The following PTPN12 variants were observed in gnomAD, a reference collection of about 807,000 sequenced individuals.
The protein encoded by PTPN12 is tyrosine-protein phosphatase non-receptor type 12.
Under a neutral mutation model 97.6 loss-of-function variants are expected in PTPN12, and 29 were observed. The observed-to-expected ratio is 0.30, with a 90% CI of 0.22 to 0.41. The LOEUF (loss-of-function observed/expected upper bound fraction) is 0.41, where lower values mean the gene tolerates loss of function less well. PTPN12 is among the 10% of genes least tolerant of loss of function. PTPN12 has a pLI of 1.00. For missense variants in PTPN12, 819 were observed against 926.0 expected, an observed-to-expected ratio of 0.88 and a Z score of 1.50; for synonymous variants, 327 against 300.4, an observed-to-expected ratio of 1.09 and a Z score of -0.91.
rs538968145 is a variant in PTPN12 at position 77,614,424 on chromosome 7, T to C, written c.939+3378T>C. 6.3e-4 allele frequency among the ~76,000 whole-genome samples: 96 copies of C among 152,302 alleles called. 1 individual carries two copies. The highest frequency in any genetic ancestry group is 2.3e-3 in the African/African-American group (96 of 41,564). ...TTACGGGAATATAATAAAAAAGTCA[T>C]ACTTTGTAGGAGATGAGATGAAATA... is the stretch of plus-strand genomic sequence containing the variant. On this transcript the variant is annotated intron_variant, in intron 11 of 17. Coordinates refer to ENST00000248594, the MANE Select transcript of PTPN12 (RefSeq NM_002835.4).
At chr7:77,612,470 C>A (rs1311224283) in intron 11 of PTPN12, among the ~76,000 whole-genome samples, 1 of 152,146 alleles carries the variant, frequency 6.6e-6, no homozygotes, top group Non-Finnish European at 1.5e-5. Context: ...TGGAGTTTCA[C>A]TATTGTTGCC....
chr7:77,570,991 T>C, intron 1 of PTPN12, 87 bp from the exon 2 acceptor site: 1 of 752,988 alleles, frequency 1.3e-6, no homozygotes, highest in Non-Finnish European at 2.1e-6. Context: ...AAATGAGTTG[T>C]GAGGAATTGG....
At chr7:77,580,491 G>A (rs1489607695) in intron 2 of PTPN12, among the ~76,000 whole-genome samples, 3 of 152,104 alleles carry the variant, frequency 2.0e-5, no homozygotes, top group Non-Finnish European at 4.4e-5. Flanking sequence ...TGTGTAATAA[G>A]TACACTTGGA....
chr7:77,566,024 T>C (rs1215498714), intron 1 of PTPN12, among the ~76,000 whole-genome samples: 3 of 152,236 alleles, frequency 2.0e-5, no homozygotes, highest in African/African-American at 7.2e-5. Flanking sequence ...CAATGTGTTA[T>C]GGACTCATTG....
At chr7:77,606,985 C>T in intron 8 of PTPN12, 1 of 259,882 alleles carries the variant, frequency 3.8e-6, no homozygotes, top group Non-Finnish European at 7.2e-6. Context: ...CTTGTTGTGC[C>T]TGATTTATAA....
intron 11 of PTPN12, among the ~76,000 whole-genome samples, chr7:77,613,466 C>G (rs1788643373): frequency 6.6e-6 from 1 of 151,990 alleles, no homozygotes; most frequent in Admixed American, 6.6e-5. Flanking sequence ...TAAGCTACTG[C>G]ACCCAGCATC....
intron 11 of PTPN12, among the ~76,000 whole-genome samples, chr7:77,614,006 C>T (rs1788664881): frequency 6.6e-6 from 1 of 152,174 alleles, no homozygotes; most frequent in Non-Finnish European, 1.5e-5. Flanking sequence ...TTCCTCCTGC[C>T]TCAGCCTCCC....
At chr7:77,553,927 A>G (rs1266279980) in intron 1 of PTPN12, among the ~76,000 whole-genome samples, 3 of 146,660 alleles carry the variant, frequency 2.0e-5, no homozygotes, top group African/African-American at 7.7e-5. Flanking sequence ...GTCCTTTCTT[A>G]GCATGTCAGT....
intron 1 of PTPN12, among the ~76,000 whole-genome samples, chr7:77,550,145 T>G (rs1296924640): frequency 1.3e-5 from 2 of 152,174 alleles, no homozygotes; most frequent in Admixed American, 1.3e-4. Context: ...GAAATTCTAT[T>G]TGCCTACTCA....
At chr7:77,544,957 T>C (rs1807146055) in intron 1 of PTPN12, among the ~76,000 whole-genome samples, 1 of 152,192 alleles carries the variant, frequency 6.6e-6, no homozygotes, top group Non-Finnish European at 1.5e-5. Context: ...CATAACTCGT[T>C]GTATTTTCAG....
intron 15 of PTPN12, among the ~76,000 whole-genome samples, chr7:77,636,303 C>T (rs980811866): frequency 6.6e-6 from 1 of 151,912 alleles, no homozygotes; most frequent in African/African-American, 2.4e-5. Flanking sequence ...ATTTTGAGGG[C>T]GTGGCATGGT....
intron 1 of PTPN12, chr7:77,537,906 G>A: frequency 6.7e-6 from 4 of 593,272 alleles, no homozygotes; most frequent in Non-Finnish European, 9.5e-6. Context: ...GGCCGAGCCC[G>A]CAGCCTGCAC....
In PTPN12 at chr7:77,573,395, C is replaced by G. The variant is rs1464823637; in HGVS notation, c.208+2209C>G. ...CACTCTGGCTCATAGATGGTGCCTTCTCACTGCACTTCACATGGTGGAAGG... is the reference window on the plus strand; with the variant it reads ...CACTCTGGCTCATAGATGGTGCCTTGTCACTGCACTTCACATGGTGGAAGG... On this transcript the variant is annotated intron_variant, in intron 2 of 17. Transcript: ENST00000248594. 3.9e-5 allele frequency among the ~76,000 whole-genome samples: 6 copies of G among 152,276 alleles called. No individual in the cohort carries two copies. The East Asian group carries it at 1.2e-3, about 29-fold the overall frequency.
intron 13 of PTPN12, among the ~76,000 whole-genome samples, chr7:77,631,294 C>T (rs1015663297): frequency 1.3e-5 from 2 of 152,150 alleles, no homozygotes; most frequent in Admixed American, 6.5e-5. Flanking sequence ...TATTTTCTTG[C>T]GTCTCCAGCT....
intron 16 of PTPN12, 141 bp from the exon 17 acceptor site, chr7:77,638,483 G>A (rs955266213): frequency 4.0e-6 from 5 of 1,251,580 alleles, no homozygotes; most frequent in Non-Finnish European, 5.1e-6. Flanking sequence ...TATTTATATT[G>A]TTCTTGACCT....
At chr7:77,620,421 T>C (rs1466370436) in intron 12 of PTPN12, among the ~76,000 whole-genome samples, 1 of 152,236 alleles carries the variant, frequency 6.6e-6, no homozygotes, top group Non-Finnish European at 1.5e-5. Flanking sequence ...GATTTTATAA[T>C]ACATGCATAG....
Position 77,597,911 on chromosome 7 carries a change from TA to T in PTPN12, c.552+11del. On this transcript the variant is annotated intron_variant, in intron 7 of 17. Transcript: ENST00000248594. Reference sequence around the variant, plus strand: ...ACTTGAATTTCAAAATGTAGGTACTTACCATTTATAGACTATCTGTAAGAAT... The same window carrying T: ...ACTTGAATTTCAAAATGTAGGTACTTCCATTTATAGACTATCTGTAAGAAT... The T allele has an allele frequency of 6.2e-7, 1 of 1,612,234 alleles. No individual in the cohort carries two copies. Among genetic ancestry groups the T allele is most frequent in the South Asian group, 1.1e-5 (1 of 90,518 alleles).
At chr7:77,613,612 G>C (rs1028248638) in intron 11 of PTPN12, among the ~76,000 whole-genome samples, 14 of 152,014 alleles carry the variant, frequency 9.2e-5, no homozygotes, top group African/African-American at 3.4e-4. Context: ...CCAGCACTTT[G>C]GGAGGCCGAA....
chr7:77,632,323 CTA>C (rs1789426476), intron 13 of PTPN12, 23 bp from the exon 14 acceptor site: 2 of 1,508,058 alleles, frequency 1.3e-6, no homozygotes. Flanking sequence ...GTTAATTTGT[CTA>C]AATTTTTATG....
Sources: gnomAD v4.1 joint callset for allele counts (sites outside exome capture counted in the v4.1 genomes callset) on GRCh38, gnomAD v4.1.1 for gene constraint, MANE v1.5 for transcripts, NCBI Gene and HGNC (gene_info 2026-07-23, HGNC 2026-07-21) for gene names.